Variants in CNTN5 observed in about 807,000 individuals in gnomAD.
CNTN5 encodes contactin 5, also known as contactin-5.
Under a neutral mutation model 129.1 loss-of-function variants are expected in CNTN5, and 77 were observed. The ratio of observed to expected loss-of-function variants is 0.60; its 90% CI spans 0.50 to 0.72. The LOEUF (loss-of-function observed/expected upper bound fraction) is 0.72, where lower values mean the gene tolerates loss of function less well. Ranked by LOEUF, CNTN5 falls within the 30% of genes least tolerant of loss-of-function variation. The probability of loss-of-function intolerance (pLI) is 0.00; values close to 1 mark genes in which losing one functional copy is unlikely to be tolerated. For missense variants in CNTN5, 1,478 were observed against 1,328.8 expected (o/e 1.11, Z -1.75); for synonymous variants, 509 against 465.6 (o/e 1.09, Z -1.20).
chr11:100,002,975 A>G (rs1939967557), intron 9 of CNTN5, among the ~76,000 whole-genome samples: 1 of 152,124 alleles, frequency 6.6e-6, no homozygotes, highest in South Asian at 2.1e-4. Context: ...CAATATAACT[A>G]TAAAGTACTC....
At chr11:99,283,671 C>T (rs12421122) in intron 1 of CNTN5, among the ~76,000 whole-genome samples, 14,729 of 151,942 alleles carry the variant, frequency 0.097, 1,537 homozygotes, top group East Asian at 0.45. Context: ...CTGTGCTAAG[C>T]AGGGAAACTA....
chr11:99,293,175 G>A (rs377487999), intron 1 of CNTN5, among the ~76,000 whole-genome samples: 104 of 152,078 alleles, frequency 6.8e-4, no homozygotes, highest in African/African-American at 2.3e-3. Flanking sequence ...GGGCATCTGT[G>A]GAAATGATCA....
chr11:99,830,121 TCGGGGG>T (rs1269765052), intron 4 of CNTN5, among the ~76,000 whole-genome samples: 1 of 152,094 alleles, frequency 6.6e-6, no homozygotes, highest in African/African-American at 2.4e-5. Flanking sequence ...CAAACTTTTT[TCGGGGG>T]CGGGGAGCAT....
At chr11:99,281,041 A>T (rs1013357777) in intron 1 of CNTN5, among the ~76,000 whole-genome samples, 2 of 151,908 alleles carry the variant, frequency 1.3e-5, no homozygotes, top group African/African-American at 2.4e-5. Flanking sequence ...ATAGATTAAC[A>T]ACCAAGGATT....
Position 100,247,368 on chromosome 11 carries a change from CTGTT to C in CNTN5, c.2006-8386_2006-8383del, listed in dbSNP as rs554147302. 8.5e-5 allele frequency among the ~76,000 whole-genome samples: 13 copies of C among 152,240 alleles called. No homozygotes were observed. In the South Asian group the frequency reaches 2.3e-3, roughly 27 times the overall value. On this transcript the variant is annotated intron_variant, in intron 16 of 24. Transcript: ENST00000524871. ...CTTTTGGAAAAAAAGGAAAGTATAA[CTGTT>C]TGTTTCTCATTTCCATTCTTGACTA...
At chr11:99,812,076 G>C (rs1946444848) in intron 3 of CNTN5, among the ~76,000 whole-genome samples, 1 of 152,032 alleles carries the variant, frequency 6.6e-6, no homozygotes, top group South Asian at 2.1e-4. Flanking sequence ...AGGCCTACTG[G>C]AAGTCAGTTA....
At chr11:99,279,543 A>G (rs943483436) in intron 1 of CNTN5, among the ~76,000 whole-genome samples, 1 of 151,822 alleles carries the variant, frequency 6.6e-6, no homozygotes, top group African/African-American at 2.4e-5. Flanking sequence ...TTAAAGGGAC[A>G]TGCTTGACAT....
At chr11:100,196,212 C>T (rs1240712704) in intron 15 of CNTN5, among the ~76,000 whole-genome samples, 1 of 151,920 alleles carries the variant, frequency 6.6e-6, no homozygotes, top group Non-Finnish European at 1.5e-5. Context: ...TGTCCTGGGA[C>T]AGAACCCTGC....
chr11:99,770,812 A>C (rs532753484), intron 3 of CNTN5, among the ~76,000 whole-genome samples: 1 of 152,280 alleles, frequency 6.6e-6, no homozygotes, highest in African/African-American at 2.4e-5. Flanking sequence ...AAAATCATAA[A>C]ATTTGTATGG....
intron 1 of CNTN5, among the ~76,000 whole-genome samples, chr11:99,277,692 T>C (rs927366003): frequency 1.3e-5 from 2 of 151,734 alleles, no homozygotes; most frequent in Non-Finnish European, 2.9e-5. Context: ...GGAAATCCTG[T>C]TGTATAACTC....
At chr11:99,258,389 A>G (rs1862475038) in intron 1 of CNTN5, among the ~76,000 whole-genome samples, 1 of 152,086 alleles carries the variant, frequency 6.6e-6, no homozygotes, top group Non-Finnish European at 1.5e-5. Flanking sequence ...AAGTGAGAAC[A>G]TGCTATATTT....
At chr11:99,241,078 T>C (rs867729999) in intron 1 of CNTN5, among the ~76,000 whole-genome samples, 26 of 152,200 alleles carry the variant, frequency 1.7e-4, no homozygotes, top group African/African-American at 6.3e-4. Flanking sequence ...TTTTATTTTG[T>C]AATTATAACC....
At chr11:99,171,058 T>C (rs1861125629) in intron 1 of CNTN5, among the ~76,000 whole-genome samples, 1 of 149,130 alleles carries the variant, frequency 6.7e-6, no homozygotes, top group Admixed American at 6.6e-5. Context: ...ATACACTGAA[T>C]ATATTAGTTT....
chr11:99,878,829 T>C (rs1354874045), intron 6 of CNTN5, among the ~76,000 whole-genome samples: 1 of 152,066 alleles, frequency 6.6e-6, no homozygotes, highest in Non-Finnish European at 1.5e-5. Context: ...CACTCCAGCC[T>C]GGCGACAGAG....
intron 2 of CNTN5, among the ~76,000 whole-genome samples, chr11:99,485,595 C>G (rs1420124657): frequency 6.6e-6 from 1 of 151,566 alleles, no homozygotes; most frequent in African/African-American, 2.4e-5. Context: ...TAAAAATGCT[C>G]TAAAGTTTAT....
intron 6 of CNTN5, among the ~76,000 whole-genome samples, chr11:99,880,638 G>A (rs1948748281): frequency 6.6e-6 from 1 of 152,108 alleles, no homozygotes; most frequent in Non-Finnish European, 1.5e-5. Context: ...TAAAAAATCT[G>A]TAGACACCAA....
intron 1 of CNTN5, among the ~76,000 whole-genome samples, chr11:99,267,050 G>T (rs956035475): frequency 8.6e-5 from 13 of 151,954 alleles, no homozygotes; most frequent in African/African-American, 2.9e-4. Context: ...AAAAAAGGTT[G>T]GGAGTATGGA....
At chr11:99,968,792 G>C (rs1463533398) in intron 8 of CNTN5, among the ~76,000 whole-genome samples, 2 of 146,504 alleles carry the variant, frequency 1.4e-5, no homozygotes, top group African/African-American at 5.0e-5. Flanking sequence ...ATTATGGATA[G>C]TTCTAAGGGG....
intron 3 of CNTN5, among the ~76,000 whole-genome samples, chr11:99,741,125 A>G (rs1943875350): frequency 6.6e-6 from 1 of 152,138 alleles, no homozygotes; most frequent in African/African-American, 2.4e-5. Flanking sequence ...TCTAAGTCTG[A>G]ATCAGCAAGG....
Sources: allele counts gnomAD v4.1 joint callset (sites outside exome capture counted in the v4.1 genomes callset), GRCh38; gene constraint gnomAD v4.1.1; transcripts MANE v1.5; gene names NCBI Gene and HGNC (gene_info 2026-07-23, HGNC 2026-07-21).